CMTM4: variants seen among roughly 807,000 people sequenced by gnomAD.
CMTM4 encodes the protein CKLF-like MARVEL transmembrane domain-containing protein 4.
CMTM4 carries 8 observed loss-of-function variants against 19.0 expected under a neutral mutation model. That is an observed-to-expected ratio of 0.42 (90% CI 0.25 to 0.76). The LOEUF is 0.76. Among genes scored for constraint, CMTM4 ranks in the 30% least tolerant of loss-of-function variants. CMTM4 has a pLI of 0.27. For synonymous variants in CMTM4, 106 were observed against 121.1 expected, an observed-to-expected ratio of 0.88 and a Z score of 0.82; for missense variants, 228 against 290.2, an observed-to-expected ratio of 0.79 and a Z score of 1.56.
chr16:66,610,215 G>A (rs1168257982), downstream of CMTM4, among the ~76,000 whole-genome samples: 3 of 152,174 alleles, frequency 2.0e-5, no homozygotes, highest in Admixed American at 2.0e-4. The surrounding 1 kb of genome is among the most constrained non-coding windows in gnomAD (Gnocchi z 4.6). Flanking sequence ...CTTTCTAGGA[G>A]GGGCAAGCAG....
intron 1 of CMTM4, among the ~76,000 whole-genome samples, chr16:66,642,917 TA>T (rs1450346315): frequency 6.6e-6 from 1 of 152,106 alleles, no homozygotes; most frequent in Non-Finnish European, 1.5e-5. Context: ...AATAATGAAA[TA>T]GCAATTTTTG....
Position 66,619,258 on chromosome 16 carries a change from A to G in CMTM4, c.*2800T>C, listed in dbSNP as rs1419719295. On this transcript the variant is annotated 3_prime_UTR_variant, in exon 4 of 4. Coordinates refer to ENST00000394106, the MANE Select transcript of CMTM4 (RefSeq NM_181521.3). ...ATACCAAATCCACCCAATCAGTGCC[A>G]AAATAAACTTTCTCTGAGGACATCA... 1 of 985,380 alleles carries G rather than the reference A, an allele frequency of 1.0e-6. No individual in the cohort carries two copies. The highest frequency in any genetic ancestry group is 1.7e-5 in the African/African-American group (1 of 57,252). 61.0% of individuals were successfully genotyped at this position (985,380 alleles called of 1,614,324 possible).
intron 1 of CMTM4, among the ~76,000 whole-genome samples, chr16:66,659,481 AGAT>A (rs901520922): frequency 1.3e-5 from 2 of 152,142 alleles, no homozygotes; most frequent in African/African-American, 4.8e-5. Flanking sequence ...ACATAAAGGG[AGAT>A]GAGGGCTGTT....
rs767154112 is a variant in CMTM4, at chr16:66,636,379, T to C, written c.363+26A>G. 3.1e-6 allele frequency: 5 copies of C among 1,602,694 alleles called. No individual in the cohort carries two copies. In the South Asian group the frequency reaches 3.3e-5, roughly 11 times the overall value. On this transcript the variant is annotated intron_variant, in intron 2 of 3. Transcript: ENST00000394106. ...AGCCAACAGGCACGTGATCCTTTCA[T>C]GGCCAGAGTGGCCGCTTGTACTCAC...
intron 1 of CMTM4, among the ~76,000 whole-genome samples, chr16:66,671,352 G>A (rs2016703607): frequency 6.6e-6 from 1 of 152,204 alleles, no homozygotes; most frequent in African/African-American, 2.4e-5. Context: ...AAGTGATGGT[G>A]AAGAGGCCGA....
chr16:66,672,649 T>C (rs4258603), intron 1 of CMTM4, among the ~76,000 whole-genome samples: 42,811 of 151,798 alleles, frequency 0.28, 9,099 homozygotes, highest in African/African-American at 0.6. Context: ...TTTTTTGAGA[T>C]GGAGTCTCTG....
Position 66,691,391 on chromosome 16 carries a change from C to T in CMTM4, c.186+4949G>A, listed in dbSNP as rs147994580. 9.4e-4 allele frequency among the ~76,000 whole-genome samples: 143 copies of T among 152,184 alleles called. 1 individual carries two copies. The highest frequency in any genetic ancestry group is 5.8e-4 in the East Asian group (3 of 5,174). ...AGACATTCTCCCCAACTAAGAGATA[C>T]GTACAGGTTTCATTTTGAAAAGATA... On this transcript the variant is annotated intron_variant, in intron 1 of 3. Transcript: ENST00000394106.
chr16:66,683,642 G>C (rs1039070729), intron 1 of CMTM4, among the ~76,000 whole-genome samples: 2 of 151,908 alleles, frequency 1.3e-5, no homozygotes, highest in Non-Finnish European at 2.9e-5. Flanking sequence ...CTATGTGCCA[G>C]ACCCTGGTTT....
At chr16:66,603,549 C>A in the CMTM4 span, among the ~76,000 whole-genome samples, 2,489 of 152,230 alleles carry the variant, frequency 0.016, 32 homozygotes, top group Non-Finnish European at 0.028. Flanking sequence ...AGCCTCCCAA[C>A]GTGCTGGGAT....
intron 2 of CMTM4, among the ~76,000 whole-genome samples, chr16:66,629,085 T>G (rs2015799961): frequency 6.6e-6 from 1 of 152,230 alleles, no homozygotes; most frequent in African/African-American, 2.4e-5. Flanking sequence ...ACTGGAATAC[T>G]GCAAATCTTA....
At chr16:66,629,666 G>C (rs1044210623) in intron 2 of CMTM4, among the ~76,000 whole-genome samples, 2 of 152,120 alleles carry the variant, frequency 1.3e-5, no homozygotes, top group Non-Finnish European at 2.9e-5. Flanking sequence ...TTCAGGATAG[G>C]GGCAGGTCAC....
chr16:66,674,835 G>A (rs191238668), intron 1 of CMTM4, among the ~76,000 whole-genome samples: 61 of 138,794 alleles, frequency 4.4e-4, no homozygotes, highest in African/African-American at 1.4e-3. Context: ...TCCACCTCCC[G>A]GGTTCAAGCA....
In CMTM4 at chr16:66,622,248, C is replaced by G. The variant is rs1312899981; in HGVS notation, c.463-26G>C. The G allele has an allele frequency of 1.2e-6, 2 of 1,610,154 alleles. No individual in the cohort carries two copies. Among genetic ancestry groups the G allele is most frequent in the South Asian group, 1.1e-5 (1 of 90,326 alleles). ...CTAAAAACACACCAGCACAGTTAGTCCTCGGGCACGTGGCCTGGCCCCTCA... is the reference window on the plus strand; with the variant it reads ...CTAAAAACACACCAGCACAGTTAGTGCTCGGGCACGTGGCCTGGCCCCTCA... On this transcript the variant is annotated intron_variant, in intron 3 of 3. Coordinates refer to ENST00000394106, the MANE Select transcript of CMTM4 (RefSeq NM_181521.3). This position sits in a 1 kb window ranked among gnomAD's most constrained non-coding sequence, Gnocchi z 4.0.
chr16:66,652,233 G>A (rs1007817777), intron 1 of CMTM4, among the ~76,000 whole-genome samples: 3 of 152,198 alleles, frequency 2.0e-5, no homozygotes, highest in South Asian at 2.1e-4. Context: ...AAAACAAAGC[G>A]CAGGCAAGGC....
intron 1 of CMTM4, among the ~76,000 whole-genome samples, chr16:66,674,272 T>C (rs866863299): frequency 2.6e-5 from 4 of 152,182 alleles, no homozygotes; most frequent in Non-Finnish European, 4.4e-5. Context: ...GCCCAGCTGC[T>C]TGGCCCTTCC....
At chr16:66,605,071 C>A in the CMTM4 span, 1 of 951,154 alleles carries the variant, frequency 1.1e-6, no homozygotes, top group Non-Finnish European at 1.4e-6. The surrounding 1 kb of genome is among the most constrained non-coding windows in gnomAD (Gnocchi z 4.6). Context: ...CCCCTCTCCG[C>A]GCCGCCTCGG....
rs553074929 is a variant in CMTM4, at chr16:66,617,469, T to C, written c.*4589A>G. 6.8e-7 allele frequency: 1 copy of C among 1,470,064 alleles called. No homozygotes were observed. Among genetic ancestry groups the C allele is most frequent in the South Asian group, 1.4e-5 (1 of 72,440 alleles). The allele number at this position is 1,470,064 out of a possible 1,614,324, so 91.1% of individuals were successfully genotyped here. On this transcript the variant is annotated 3_prime_UTR_variant, in exon 4 of 4. Transcript: ENST00000394106. The stretch of plus-strand genomic sequence containing the variant: ...CAATAGGACCCACTCCGCTTCAAGC[T>C]AAAGAGTGTACAAAATGCCACTCAC...
At chr16:66,686,842 A>G (rs996818829) in intron 1 of CMTM4, among the ~76,000 whole-genome samples, 1 of 151,030 alleles carries the variant, frequency 6.6e-6, no homozygotes, top group African/African-American at 2.5e-5. Context: ...TCAAAAGAAG[A>G]ATCCAGGCTA....
In CMTM4 at chr16:66,619,468, A is replaced by C. The variant is rs1318645706; in HGVS notation, c.*2590T>G. ...AAAAACTAAGGTCGCTCAGCCTTCA[A>C]ATGCCCCAAACCAAACTGATATTGG... On this transcript the variant is annotated 3_prime_UTR_variant, in exon 4 of 4. Coordinates refer to ENST00000394106, the MANE Select transcript of CMTM4 (RefSeq NM_181521.3). 1.0e-5 allele frequency: 10 copies of C among 985,356 alleles called. No individual in the cohort carries two copies. Among genetic ancestry groups the C allele is most frequent in the African/African-American group, 1.7e-5 (1 of 57,246 alleles). 61.0% of individuals were successfully genotyped at this position (985,356 alleles called of 1,614,324 possible). A position where few individuals can be genotyped will look rare whatever the true frequency, so the allele number is the denominator to read the frequency against.
Sources: gnomAD v4.1 joint callset for allele counts (sites outside exome capture counted in the v4.1 genomes callset) on GRCh38, gnomAD v4.1.1 for gene constraint, Gnocchi (gnomAD v3.1) non-coding constraint, MANE v1.5 for transcripts, NCBI Gene and HGNC (gene_info 2026-07-23, HGNC 2026-07-21) for gene names.